RSPH14: variants seen among roughly 807,000 people sequenced by gnomAD.
RSPH14 encodes the protein rhabdoid tumor deletion region gene 1.
Under a neutral mutation model 26.7 loss-of-function variants are expected in RSPH14, and 20 were observed. The ratio of observed to expected loss-of-function variants is 0.75; its 90% CI spans 0.53 to 1.09. RSPH14 has a LOEUF of 1.09. RSPH14 is among the 50% of genes least tolerant of loss of function. The pLI, the probability that RSPH14 is intolerant of heterozygous loss-of-function variation, is 0.00. For missense variants in RSPH14, 449 were observed against 457.2 expected (o/e 0.98, Z 0.16); for synonymous variants, 177 against 189.3 (o/e 0.93, Z 0.53).
rs537934221 is a variant in RSPH14 at position 23,126,759 on chromosome 22, C to G, written c.421+7267G>C. 2.0e-5 allele frequency among the ~76,000 whole-genome samples: 3 copies of G among 152,318 alleles called. No individual in the cohort carries two copies. The South Asian group carries it at 6.2e-4, about 32-fold the overall frequency. ...GGACCTGGGGATGGCTGGGCCAGCC[C>G]TGCCCACTGCAGGTGACTAATCCCG... On this transcript the variant is annotated intron_variant, in intron 4 of 6. Coordinates refer to ENST00000216036, the MANE Select transcript of RSPH14 (RefSeq NM_014433.3).
At chr22:23,142,026 C>G, upstream of RSPH14, 1 of 985,522 alleles carries the variant, frequency 1.0e-6, no homozygotes, top group Non-Finnish European at 1.2e-6. Flanking sequence ...ACATCGTTGC[C>G]AGGCGACTCC....
At chr22:23,173,433 C>T in the RSPH14 span, among the ~76,000 whole-genome samples, 1 of 151,478 alleles carries the variant, frequency 6.6e-6, no homozygotes, top group African/African-American at 2.4e-5. Context: ...TGTGCCTGGC[C>T]TTCTTTTCAT....
Position 23,059,444 on chromosome 22 carries a change from C to T in RSPH14, c.*18G>A. On this transcript the variant is annotated 3_prime_UTR_variant, in exon 7 of 7. Transcript: ENST00000216036. Reference sequence around the variant, plus strand: ...GAGACTTAGCACATTTATTCACTCACAGAGGTGAATGAAGGGCTCAGGGTT... The same window carrying T: ...GAGACTTAGCACATTTATTCACTCATAGAGGTGAATGAAGGGCTCAGGGTT... 1 of 1,580,348 alleles carries T rather than the reference C, an allele frequency of 6.3e-7. No individual in the cohort carries two copies. The highest frequency in any genetic ancestry group is 8.6e-7 in the Non-Finnish European group (1 of 1,159,228).
chr22:23,107,123 G>C (rs953653311), intron 4 of RSPH14, among the ~76,000 whole-genome samples: 4 of 152,238 alleles, frequency 2.6e-5, no homozygotes, highest in African/African-American at 9.6e-5. Flanking sequence ...AACAGCCCTT[G>C]CTGTTTGAGG....
At chr22:23,091,113 C>A (rs959819659) in intron 4 of RSPH14, among the ~76,000 whole-genome samples, 4 of 152,214 alleles carry the variant, frequency 2.6e-5, no homozygotes, top group African/African-American at 9.7e-5. Context: ...GCTGCACACA[C>A]GCACAACCAC....
intron 1 of RSPH14, among the ~76,000 whole-genome samples, chr22:23,141,369 G>A (rs892569187): frequency 7.4e-5 from 11 of 148,632 alleles, no homozygotes; most frequent in Non-Finnish European, 1.5e-4. Flanking sequence ...TTTTATTGCC[G>A]ACACACACAC....
intron 4 of RSPH14, among the ~76,000 whole-genome samples, chr22:23,125,388 A>G (rs1179579920): frequency 6.6e-6 from 1 of 152,096 alleles, no homozygotes; most frequent in Non-Finnish European, 1.5e-5. Flanking sequence ...AGCCAATGTC[A>G]GAGTCATCCT....
the RSPH14 span, among the ~76,000 whole-genome samples, chr22:23,151,075 G>A: frequency 1.5e-3 from 228 of 152,388 alleles, 4 homozygotes; most frequent in Non-Finnish European, 2.7e-3. Context: ...AGTCTGCTCA[G>A]GGAGTTGGCT....
At chr22:23,118,230 G>A (rs2069906315) in intron 4 of RSPH14, among the ~76,000 whole-genome samples, 1 of 152,218 alleles carries the variant, frequency 6.6e-6, no homozygotes, top group Non-Finnish European at 1.5e-5. Context: ...CTGAAGGCCT[G>A]GTTACAAATC....
chr22:23,123,817 G>GC (rs1214053685), intron 4 of RSPH14: 1 of 241,566 alleles, frequency 4.1e-6, no homozygotes, highest in Non-Finnish European at 8.1e-6. Flanking sequence ...CAGGGCTGAG[G>GC]CAAGGTAGGC....
upstream of RSPH14, among the ~76,000 whole-genome samples, chr22:23,145,803 G>T (rs1315456333): frequency 1.3e-5 from 2 of 152,268 alleles, no homozygotes; most frequent in African/African-American, 4.8e-5. Context: ...CCCCAGCCCA[G>T]CCTGGAGAGG....
chr22:23,084,197 C>T (rs2068754849), intron 4 of RSPH14, among the ~76,000 whole-genome samples: 1 of 152,150 alleles, frequency 6.6e-6, no homozygotes, highest in African/African-American at 2.4e-5. Context: ...CAAGCAGTCC[C>T]CAACTTAGGA....
chr22:23,147,487 T>C (rs1489051581), upstream of RSPH14, among the ~76,000 whole-genome samples: 1 of 152,076 alleles, frequency 6.6e-6, no homozygotes, highest in Non-Finnish European at 1.5e-5. Flanking sequence ...TGTGCTACCA[T>C]GCCTGGCTAA....
At chr22:23,066,125 C>T (rs2068206753) in intron 4 of RSPH14, among the ~76,000 whole-genome samples, 1 of 152,142 alleles carries the variant, frequency 6.6e-6, no homozygotes, top group Non-Finnish European at 1.5e-5. Context: ...ATTTTGCTGG[C>T]AGATGGAAGG....
chr22:23,123,176 G>A, intron 4 of RSPH14: 2 of 1,614,036 alleles, frequency 1.2e-6, no homozygotes, highest in Non-Finnish European at 1.7e-6. Context: ...TCCTGAACAA[G>A]AAGGACCTGC....
chr22:23,160,903 G>A, the RSPH14 span: 1 of 1,613,766 alleles, frequency 6.2e-7, no homozygotes, highest in African/African-American at 1.3e-5. Flanking sequence ...GCATTCTTCA[G>A]CCGCGTAGCC....
At chr22:23,069,396 G>C (rs2068284618) in intron 4 of RSPH14, among the ~76,000 whole-genome samples, 1 of 152,216 alleles carries the variant, frequency 6.6e-6, no homozygotes. Flanking sequence ...GAGCATTCAT[G>C]TCTTGGCCCT....
chr22:23,116,196 G>T (rs2069830985), intron 4 of RSPH14, among the ~76,000 whole-genome samples: 5 of 152,272 alleles, frequency 3.3e-5, no homozygotes, highest in Admixed American at 3.3e-4. Context: ...GCAACAGGCT[G>T]CCAGGTGAGG....
the RSPH14 span, chr22:23,162,374 C>T: frequency 3.0e-6 from 1 of 338,832 alleles, no homozygotes; most frequent in Non-Finnish European, 5.9e-6. Context: ...GGGTAACTCA[C>T]TCTGCAGCCC....
Sources: allele counts gnomAD v4.1 joint callset (sites outside exome capture counted in the v4.1 genomes callset), GRCh38; gene constraint gnomAD v4.1.1; transcripts MANE v1.5; gene names NCBI Gene and HGNC (gene_info 2026-07-23, HGNC 2026-07-21).